CHURC1: variants seen among roughly 807,000 people sequenced by gnomAD.
CHURC1 encodes the protein churchill domain containing 1, also known as protein Churchill.
A neutral mutation model predicts 15.4 loss-of-function variants in CHURC1; 12 were observed. The ratio of observed to expected loss-of-function variants is 0.78; its 90% CI spans 0.50 to 1.27. CHURC1 has a LOEUF of 1.27. Among genes scored for constraint, CHURC1 ranks in the 50% most tolerant of loss-of-function variants. The probability of loss-of-function intolerance (pLI) is 0.00; values close to 1 mark genes in which losing one functional copy is unlikely to be tolerated. For synonymous variants in CHURC1, 42 were observed against 47.5 expected (o/e 0.88, Z 0.48); for missense variants, 132 against 137.8 (o/e 0.96, Z 0.21).
chr14:64,929,136 A>G (rs899154016), intron 3 of CHURC1, among the ~76,000 whole-genome samples: 3 of 152,108 alleles, frequency 2.0e-5, no homozygotes, highest in African/African-American at 7.2e-5. Flanking sequence ...CATCAAGTTA[A>G]TCTTCTTAAA....
chr14:64,921,185 A>G (rs1441582770), intron 1 of CHURC1, among the ~76,000 whole-genome samples: 1 of 152,230 alleles, frequency 6.6e-6, no homozygotes, highest in African/African-American at 2.4e-5. Flanking sequence ...CTTACCTCAT[A>G]TATAAAATTA....
In CHURC1 at chr14:64,935,035, G is replaced by A. The variant is rs1885262443; in HGVS notation, c.*2805G>A. 1 of 978,160 alleles carries A rather than the reference G, an allele frequency of 1.0e-6. No homozygotes were observed. Among genetic ancestry groups the A allele is most frequent in the Non-Finnish European group, 1.2e-6 (1 of 823,510 alleles). 60.6% of individuals were successfully genotyped at this position (978,160 alleles called of 1,614,324 possible). ...TTTTTCTGTTCAAATTAGGAATTAGGGACATGGATGAAATTGGAAATCTTC... is the reference window on the plus strand; with the variant it reads ...TTTTTCTGTTCAAATTAGGAATTAGAGACATGGATGAAATTGGAAATCTTC... On this transcript the variant is annotated 3_prime_UTR_variant, in exon 4 of 4. Transcript: ENST00000549115.
chr14:64,930,954 T>A, intron 3 of CHURC1: 1 of 405,514 alleles, frequency 2.5e-6, no homozygotes, highest in Admixed American at 3.3e-5. Flanking sequence ...AACTCACCAG[T>A]AGAAGATGGA....
At chr14:64,923,077 A>G (rs1473839479) in intron 1 of CHURC1, among the ~76,000 whole-genome samples, 1 of 152,148 alleles carries the variant, frequency 6.6e-6, no homozygotes, top group Admixed American at 6.5e-5. Flanking sequence ...GTTGCTGAGA[A>G]ATGGGATTGG....
chr14:64,920,302 A>G (rs1287780860), intron 1 of CHURC1, among the ~76,000 whole-genome samples: 1 of 152,156 alleles, frequency 6.6e-6, no homozygotes, highest in Non-Finnish European at 1.5e-5. Context: ...AAACATGTCG[A>G]CTTTTTTCCT....
intron 3 of CHURC1, chr14:64,930,650 T>C (rs1397792760): frequency 3.1e-6 from 1 of 325,410 alleles, no homozygotes; most frequent in Non-Finnish European, 6.0e-6. Context: ...ACTTTGTTCT[T>C]TCATGTCTGC....
At position 64,934,877 on chromosome 14, in the gene CHURC1, A is replaced by G. The variant is rs150226400; in HGVS notation, c.*2647A>G. The G allele has an allele frequency of 1.7e-5, 17 of 984,596 alleles. No homozygotes were observed. The Admixed American group carries it at 1.0e-3, about 60-fold the overall frequency. The allele number at this position is 984,596 out of a possible 1,614,324, so 61.0% of individuals were successfully genotyped here. ...GGACTATATGTTACAAAAATTTAAA[A>G]CATAAGATCCTCTCTCTATATTTCA... is the stretch of plus-strand genomic sequence containing the variant. On this transcript the variant is annotated 3_prime_UTR_variant, in exon 4 of 4. Transcript: ENST00000549115.
At chr14:64,923,556 A>G (rs1347122381) in intron 1 of CHURC1, among the ~76,000 whole-genome samples, 1 of 152,164 alleles carries the variant, frequency 6.6e-6, no homozygotes, top group Non-Finnish European at 1.5e-5. Context: ...CTAAACATCT[A>G]TGTAAGATCA....
At chr14:64,920,822 A>AAAATCTGG (rs1457166956) in intron 1 of CHURC1, among the ~76,000 whole-genome samples, 3 of 152,230 alleles carry the variant, frequency 2.0e-5, no homozygotes, top group African/African-American at 7.2e-5. Context: ...CAGATTTTAT[A>AAAATCTGG]GATTCCAGGC....
chr14:64,920,300 C>T (rs915325505), intron 1 of CHURC1, among the ~76,000 whole-genome samples: 1 of 152,232 alleles, frequency 6.6e-6, no homozygotes, highest in East Asian at 1.9e-4. Flanking sequence ...CTAAACATGT[C>T]GACTTTTTTC....
At chr14:64,932,031 A>C (rs1267557195) in intron 3 of CHURC1, 107 bp from the exon 4 acceptor site, 5 of 1,395,316 alleles carry the variant, frequency 3.6e-6, no homozygotes, top group Non-Finnish European at 4.8e-6. Context: ...TCCAATGTAC[A>C]GAAAGAATAT....
intron 1 of CHURC1, among the ~76,000 whole-genome samples, chr14:64,917,832 G>A (rs1339830482): frequency 6.6e-6 from 1 of 152,244 alleles, no homozygotes; most frequent in African/African-American, 2.4e-5. Context: ...CAACTGGGAT[G>A]TTGGAAGTAT....
At chr14:64,929,940 C>CT (rs1161830209) in intron 3 of CHURC1, among the ~76,000 whole-genome samples, 32 of 100,852 alleles carry the variant, frequency 3.2e-4, no homozygotes, top group African/African-American at 1.4e-3. Context: ...CTAGCAAAAG[C>CT]CCCCCCCCAC....
intron 1 of CHURC1, among the ~76,000 whole-genome samples, chr14:64,918,946 A>G (rs538850937): frequency 6.6e-6 from 1 of 152,340 alleles, no homozygotes; most frequent in South Asian, 2.1e-4. Flanking sequence ...GAGTTTTGTC[A>G]TTTATTTTTA....
At chr14:64,932,104 C>T in intron 3 of CHURC1, 34 bp from the exon 4 acceptor site, 2 of 1,594,276 alleles carry the variant, frequency 1.3e-6, no homozygotes, top group East Asian at 2.2e-5. Context: ...TTTCCCTGTT[C>T]CTCTAGGTAA....
At chr14:64,931,828 A>C (rs1282116439) in intron 3 of CHURC1, among the ~76,000 whole-genome samples, 2 of 152,280 alleles carry the variant, frequency 1.3e-5, no homozygotes, top group Non-Finnish European at 2.9e-5. Context: ...CTGTAAGAAT[A>C]GGAATTTGTC....
At position 64,932,297 on chromosome 14, in the gene CHURC1, G is replaced by T; in HGVS notation, c.*67G>T. The T allele has an allele frequency of 1.9e-6, 3 of 1,560,538 alleles. No individual in the cohort carries two copies. Among genetic ancestry groups the T allele is most frequent in the East Asian group, 2.3e-5 (1 of 43,684 alleles). Reference sequence around the variant, plus strand: ...TACAATACAGCAAGCCTGATGGTTTGTCTTATTTCATTCATACTGAAAATT... The same window carrying T: ...TACAATACAGCAAGCCTGATGGTTTTTCTTATTTCATTCATACTGAAAATT... On this transcript the variant is annotated 3_prime_UTR_variant, in exon 4 of 4. Transcript: ENST00000549115.
chr14:64,922,477 C>T (rs1268187595), intron 1 of CHURC1, among the ~76,000 whole-genome samples: 1 of 149,180 alleles, frequency 6.7e-6, no homozygotes, highest in Non-Finnish European at 1.5e-5. Context: ...ACTTGGGAAG[C>T]TGAAGCAGGA....
At chr14:64,929,100 C>T (rs922716538) in intron 3 of CHURC1, among the ~76,000 whole-genome samples, 9 of 152,146 alleles carry the variant, frequency 5.9e-5, no homozygotes, top group African/African-American at 1.4e-4. Context: ...CTGCAGCATT[C>T]CCCAGACTGC....
Sources: gnomAD v4.1 joint callset for allele counts (sites outside exome capture counted in the v4.1 genomes callset) on GRCh38, gnomAD v4.1.1 for gene constraint, MANE v1.5 for transcripts, NCBI Gene and HGNC (gene_info 2026-07-23, HGNC 2026-07-21) for gene names.